Variants in LPCAT3 observed in about 807,000 individuals in gnomAD.
The protein encoded by LPCAT3 is lysophospholipid acyltransferase 5.
In LPCAT3, 21 loss-of-function variants were observed where a neutral mutation model predicts 63.4. That is an observed-to-expected ratio of 0.33 (90% CI 0.23 to 0.48). The LOEUF (loss-of-function observed/expected upper bound fraction) is 0.48, where lower values mean the gene tolerates loss of function less well. Ranked by LOEUF, LPCAT3 falls within the 20% of genes least tolerant of loss-of-function variation. LPCAT3 has a pLI of 0.99. For missense variants in LPCAT3, 451 were observed against 590.6 expected (o/e 0.76, Z 2.45); for synonymous variants, 242 against 227.5 (o/e 1.06, Z -0.58).
Position 6,977,623 on chromosome 12 carries a change from A to G in LPCAT3, c.1163T>C (p.Phe388Ser). The change falls in exon 10 of 13, where the codon TTC (phenylalanine) becomes TCC (serine). Residue 388 changes from phenylalanine to serine, a missense_variant. By Grantham distance (155) the Phe-to-Ser change is radical. Around this residue, in one of 3 missense-constraint regions of LPCAT3, gnomAD observed 304 missense variants for 390.8 expected, o/e 0.78. Transcript: ENST00000261407. The surrounding 1 kb of genome is among the most constrained non-coding windows in gnomAD (Gnocchi z 4.5). ...CTGTCTTTCCACAATAACAATGAGG[A>G]ATTCCATCTGGAAGCAGACCAGGTA... ...SGYLVCFQME[F>S]LIVIVERQAA... The G allele has an allele frequency of 6.2e-7, 1 of 1,614,210 alleles. No homozygotes were observed. Among genetic ancestry groups the G allele is most frequent in the Non-Finnish European group, 8.5e-7 (1 of 1,180,048 alleles).
At chr12:7,016,669 A>G (rs1361445600) in intron 1 of LPCAT3, among the ~76,000 whole-genome samples, 2 of 152,240 alleles carry the variant, frequency 1.3e-5, no homozygotes, top group African/African-American at 2.4e-5. Flanking sequence ...TTATAAGCAT[A>G]AGCCGCTGCG....
chr12:6,978,064 T>C (rs186525130), intron 9 of LPCAT3: 213 of 559,044 alleles, frequency 3.8e-4, no homozygotes, highest in Admixed American at 7.2e-4. Context: ...AGTAAAGCTG[T>C]TGATAAACAG....
intron 1 of LPCAT3, among the ~76,000 whole-genome samples, chr12:7,010,212 G>A (rs1313622446): frequency 6.6e-6 from 1 of 152,170 alleles, no homozygotes; most frequent in Non-Finnish European, 1.5e-5. Context: ...ACTACTTGCT[G>A]TTCCTCAGAT....
chr12:6,979,892 C>A (rs1445945740), intron 6 of LPCAT3: 1 of 309,098 alleles, frequency 3.2e-6, no homozygotes, highest in Non-Finnish European at 6.0e-6. Flanking sequence ...TCCATTGGGA[C>A]TGAAAACCCA....
intron 1 of LPCAT3, among the ~76,000 whole-genome samples, chr12:6,988,990 G>A (rs954740803): frequency 6.6e-6 from 1 of 151,998 alleles, no homozygotes; most frequent in Non-Finnish European, 1.5e-5. Flanking sequence ...GCTGGGCGTG[G>A]TAGTGCATGC....
rs1946417746 is a variant in LPCAT3, at chr12:6,977,406, C to T, written c.1308G>A (p.Met436Ile). The change falls in exon 11 of 13, where the codon ATG becomes ATA. Residue 436 changes from methionine to isoleucine, a missense_variant. Around this residue, in one of 3 missense-constraint regions of LPCAT3, gnomAD observed 304 missense variants for 390.8 expected, o/e 0.78. Transcript: ENST00000261407. The surrounding 1 kb of genome is among the most constrained non-coding windows in gnomAD (Gnocchi z 4.5). The part of the protein sequence containing the change: ...TIHWLFMGYS[M>I]TAFCLFTWDK... ...CCCACGTGAAGAGGCAGAAGGCAGTCATGGAGTAACCCATGAAGAGCCAGT... is the reference window on the plus strand; with the variant it reads ...CCCACGTGAAGAGGCAGAAGGCAGTTATGGAGTAACCCATGAAGAGCCAGT... The T allele has an allele frequency of 1.2e-6, 2 of 1,614,188 alleles. No individual in the cohort carries two copies. The highest frequency in any genetic ancestry group is 1.7e-6 in the Non-Finnish European group (2 of 1,180,042).
In LPCAT3 at chr12:6,979,561, C is replaced by T. The variant is rs369173482; in HGVS notation, c.696G>A (p.Lys232=). Residue 232 remains lysine, a synonymous_variant, in exon 7 of 13, where the codon AAG becomes AAA. Coordinates refer to ENST00000261407, the MANE Select transcript of LPCAT3 (RefSeq NM_005768.6). ...GGTAGAAAAGGCCCAGACTCAGGCGCTTGAGAGCAGGAATGATGCTGGAAA... is the reference window on the plus strand; with the variant it reads ...GGTAGAAAAGGCCCAGACTCAGGCGTTTGAGAGCAGGAATGATGCTGGAAA... ...KIPNSIIPAL[K]RLSLGLFYLV... 1 of 1,613,690 alleles carries T rather than the reference C, an allele frequency of 6.2e-7. No homozygotes were observed. The highest frequency in any genetic ancestry group is 1.1e-5 in the South Asian group (1 of 91,076).
Position 7,000,438 on chromosome 12 carries a change from A to G in LPCAT3, c.152-16899T>C, listed in dbSNP as rs983900873. ...CCGTCTCTACTAAAAATACAAAAAA[A>G]AAGCCGGGGCGTGGTGGCGGATGCC... On this transcript the variant is annotated intron_variant, in intron 1 of 12. Transcript: ENST00000261407. Among the ~76,000 whole-genome samples, 54 of 150,078 alleles carry G rather than the reference A, an allele frequency of 3.6e-4. 1 individual carries two copies. The highest frequency in any genetic ancestry group is 5.8e-4 in the Non-Finnish European group (39 of 67,544).
At chr12:7,008,625 G>A (rs1218460869) in intron 1 of LPCAT3, among the ~76,000 whole-genome samples, 2 of 152,056 alleles carry the variant, frequency 1.3e-5, no homozygotes, top group Non-Finnish European at 2.9e-5. Flanking sequence ...GGTGGCTCAC[G>A]CCTGTAATCC....
chr12:6,978,229 T>A lies in LPCAT3; in HGVS notation c.1040+112A>T, dbSNP rs1946431646. On this transcript the variant is annotated intron_variant, in intron 9 of 12. Coordinates refer to ENST00000261407, the MANE Select transcript of LPCAT3 (RefSeq NM_005768.6). ...AAAGTCAGTGTGAGCGACAGGGGGT[T>A]CTGCCCAGATGGGAAAGACGCATAG... 3 of 1,285,862 alleles carry A rather than the reference T, an allele frequency of 2.3e-6. No individual in the cohort carries two copies. The East Asian group carries it at 7.1e-5, about 30-fold the overall frequency. The allele number at this position is 1,285,862 out of a possible 1,614,324, so 79.7% of individuals were successfully genotyped here.
chr12:6,985,417 A>G (rs1555154700), intron 1 of LPCAT3, among the ~76,000 whole-genome samples: 1 of 151,226 alleles, frequency 6.6e-6, no homozygotes, highest in Non-Finnish European at 1.5e-5. Flanking sequence ...ATAAAACAAA[A>G]CAAAAAACTG....
Position 6,980,991 on chromosome 12 carries a change from G to A in LPCAT3, c.677+13C>T. ...ATACCTACACAAACATCTGGACCAAGAGGGGCAATTACCTGTTTGGTATCT... is the reference window on the plus strand; with the variant it reads ...ATACCTACACAAACATCTGGACCAAAAGGGGCAATTACCTGTTTGGTATCT... On this transcript the variant is annotated intron_variant, in intron 6 of 12. Coordinates refer to ENST00000261407, the MANE Select transcript of LPCAT3 (RefSeq NM_005768.6). The A allele has an allele frequency of 6.4e-7, 1 of 1,573,332 alleles. No homozygotes were observed. Among genetic ancestry groups the A allele is most frequent in the Non-Finnish European group, 8.6e-7 (1 of 1,161,268 alleles).
intron 1 of LPCAT3, among the ~76,000 whole-genome samples, chr12:6,997,582 T>G (rs1946648649): frequency 6.6e-6 from 1 of 151,088 alleles, no homozygotes; most frequent in Admixed American, 6.6e-5. Context: ...CATGGCTGAT[T>G]TTCTTTTCTT....
intron 5 of LPCAT3, 186 bp downstream of exon 5, chr12:6,981,409 A>T: frequency 1.4e-6 from 1 of 719,490 alleles, no homozygotes. Context: ...GACTTTGTGC[A>T]AGAGCTGGAT....
At chr12:6,995,473 C>CAA (rs781835863) in intron 1 of LPCAT3, among the ~76,000 whole-genome samples, 6 of 126,560 alleles carry the variant, frequency 4.7e-5, no homozygotes, top group East Asian at 4.5e-4. Flanking sequence ...GACTCCGTCT[C>CAA]AAAAAAAAAA....
Position 6,976,901 on chromosome 12 carries a change from A to G in LPCAT3, c.*13-10T>C. 2.1e-6 allele frequency: 1 copy of G among 471,908 alleles called. No individual in the cohort carries two copies. The highest frequency in any genetic ancestry group is 2.4e-5 in the South Asian group (1 of 41,652). 29.2% of individuals were successfully genotyped at this position (471,908 alleles called of 1,614,324 possible). A position where few individuals can be genotyped will look rare whatever the true frequency, so the allele number is the denominator to read the frequency against. On this transcript the variant is annotated splice_polypyrimidine_tract_variant and intron_variant, in intron 12 of 12. Coordinates refer to ENST00000261407, the MANE Select transcript of LPCAT3 (RefSeq NM_005768.6). ...GTCCCGCACAGGCCACCTGCAAGAC[A>G]AGAGGAGTTTGGAAGGCTGGTTAGT... is the stretch of plus-strand genomic sequence containing the variant.
chr12:6,979,216 C>G, intron 7 of LPCAT3: 6 of 527,386 alleles, frequency 1.1e-5, no homozygotes, highest in Non-Finnish European at 2.0e-5. Context: ...ATAAGGCAAG[C>G]TAGGAGCGGC....
intron 1 of LPCAT3, among the ~76,000 whole-genome samples, chr12:7,001,657 A>G (rs1946688598): frequency 6.6e-6 from 1 of 152,148 alleles, no homozygotes; most frequent in Non-Finnish European, 1.5e-5. Flanking sequence ...AAGGGGTGGT[A>G]CTTCGGAAAC....
intron 1 of LPCAT3, among the ~76,000 whole-genome samples, chr12:7,002,816 C>G (rs1199980306): frequency 6.6e-6 from 1 of 152,166 alleles, no homozygotes; most frequent in Non-Finnish European, 1.5e-5. Context: ...CAAGACCAGC[C>G]TGGCCAACAT....
Sources: allele counts gnomAD v4.1 joint callset (sites outside exome capture counted in the v4.1 genomes callset), GRCh38; gene constraint gnomAD v4.1.1; regional missense constraint gnomAD v4.1.1; non-coding constraint Gnocchi (gnomAD v3.1); transcripts MANE v1.5; gene names NCBI Gene and HGNC (gene_info 2026-07-23, HGNC 2026-07-21).